The following MICALL1 variants were observed in gnomAD, a reference collection of about 807,000 sequenced individuals.
MICALL1 encodes MICAL-like protein 1.
MICALL1 carries 61 observed loss-of-function variants against 83.7 expected under a neutral mutation model. The observed-to-expected ratio is 0.73, with a 90% CI of 0.59 to 0.90. The LOEUF (loss-of-function observed/expected upper bound fraction) is 0.90. Ranked by LOEUF, MICALL1 falls within the 40% of genes least tolerant of loss-of-function variation. MICALL1 has a pLI of 0.00. For missense variants in MICALL1, 1,066 were observed against 1,152.0 expected (o/e 0.93, Z 1.08); for synonymous variants, 481 against 473.6 (o/e 1.02, Z -0.20).
intron 5 of MICALL1, among the ~76,000 whole-genome samples, chr22:37,919,492 C>T (rs1466231606): frequency 1.3e-5 from 2 of 151,938 alleles, no homozygotes; most frequent in African/African-American, 2.4e-5. Flanking sequence ...GAAAATTAGC[C>T]GGGCATGGTG....
intron 8 of MICALL1, chr22:37,926,715 A>G (rs1424466175): frequency 6.6e-6 from 1 of 152,200 alleles, no homozygotes; most frequent in East Asian, 1.9e-4. Flanking sequence ...GTTCCATGGG[A>G]CCCCCTCTCA....
At position 37,924,774 on chromosome 22, in the gene MICALL1, G is replaced by C; in HGVS notation, c.1082+57G>C. The C allele has an allele frequency of 6.4e-7, 1 of 1,570,536 alleles. No individual in the cohort carries two copies. Reference sequence around the variant, plus strand: ...TGGAGGTCCTGGTGGTGGGAATCAGGGTACTCTGGGGCCGGGTAGGGAGAG... The same window carrying C: ...TGGAGGTCCTGGTGGTGGGAATCAGCGTACTCTGGGGCCGGGTAGGGAGAG... On this transcript the variant is annotated intron_variant, in intron 7 of 15. Coordinates refer to ENST00000215957, the MANE Select transcript of MICALL1 (RefSeq NM_033386.4). This position sits in a 1 kb window ranked among gnomAD's most constrained non-coding sequence, Gnocchi z 5.2.
chr22:37,906,712 GCCGGGCGGGTCCCTGAGACC>G lies in MICALL1; in HGVS notation c.146+149_146+168del, dbSNP rs1927974896. On this transcript the variant is annotated intron_variant, in intron 1 of 15. Transcript: ENST00000215957. This position sits in a 1 kb window ranked among gnomAD's most constrained non-coding sequence, Gnocchi z 4.4. ...GCCGACCCCCCCGACGGCCCCGGACGCCGGGCGGGTCCCTGAGACCCCGGCCCAGGGCGCCCCTCCCCCGC... is the reference window on the plus strand; with the variant it reads ...GCCGACCCCCCCGACGGCCCCGGACGCCGGCCCAGGGCGCCCCTCCCCCGC... The G allele has an allele frequency of 2.6e-6, 2 of 778,948 alleles. No individual in the cohort carries two copies. The highest frequency in any genetic ancestry group is 6.1e-5 in the South Asian group (1 of 16,478). 48.3% of individuals were successfully genotyped at this position (778,948 alleles called of 1,614,324 possible). A position where few individuals can be genotyped will look rare whatever the true frequency, so the allele number is the denominator to read the frequency against.
At chr22:37,911,138 G>A (rs573182204) in intron 1 of MICALL1, among the ~76,000 whole-genome samples, 4 of 152,308 alleles carry the variant, frequency 2.6e-5, no homozygotes, top group East Asian at 3.9e-4. Flanking sequence ...CCGTGCTGGG[G>A]CCCCCAGACA....
At position 37,932,016 on chromosome 22, in the gene MICALL1, T is replaced by C; in HGVS notation, c.2016+83T>C. 1 of 1,541,916 alleles carries C rather than the reference T, an allele frequency of 6.5e-7. No individual in the cohort carries two copies. Among genetic ancestry groups the C allele is most frequent in the East Asian group, 2.3e-5 (1 of 44,030 alleles). On this transcript the variant is annotated intron_variant, in intron 10 of 15. Coordinates refer to ENST00000215957, the MANE Select transcript of MICALL1 (RefSeq NM_033386.4). The surrounding 1 kb of genome is among the most constrained non-coding windows in gnomAD (Gnocchi z 4.4). The stretch of plus-strand genomic sequence containing the variant: ...CAGCTGCAGTCTTCCCCTGGGACTC[T>C]AAGGAGGCTGGCTGGCTAGGCAGTG...
rs1224312343 is a variant in MICALL1, at chr22:37,906,308, G to A, written c.-115G>A. On this transcript the variant is annotated 5_prime_UTR_variant, in exon 1 of 16. Transcript: ENST00000215957. This position sits in a 1 kb window ranked among gnomAD's most constrained non-coding sequence, Gnocchi z 4.4. The stretch of plus-strand genomic sequence containing the variant: ...CCGCCCCTCCCCTCGCCTGCCGGTC[G>A]GCGCCCGAGCTCGGAGCCGCAGCCG... 16 of 789,084 alleles carry A rather than the reference G, an allele frequency of 2.0e-5. No homozygotes were observed. Among genetic ancestry groups the A allele is most frequent in the Non-Finnish European group, 2.3e-5 (15 of 651,810 alleles). The allele number at this position is 789,084 out of a possible 1,614,324, so 48.9% of individuals were successfully genotyped here.
chr22:37,928,491 C>T (rs1464507331), intron 9 of MICALL1, among the ~76,000 whole-genome samples: 1 of 152,250 alleles, frequency 6.6e-6, no homozygotes, highest in Non-Finnish European at 1.5e-5. Context: ...CAGGCGTGAG[C>T]CACTGCCCCC....
intron 15 of MICALL1, among the ~76,000 whole-genome samples, chr22:37,938,182 G>A (rs1053433041): frequency 1.3e-5 from 2 of 151,962 alleles, no homozygotes; most frequent in African/African-American, 4.8e-5. Context: ...AGTTAAAAGA[G>A]TACTGGACAG....
chr22:37,922,482 A>C (rs1929114640), intron 6 of MICALL1, 56 bp downstream of exon 6: 2 of 1,358,680 alleles, frequency 1.5e-6, no homozygotes. Context: ...CTGTCTATTG[A>C]AAAGTCTGTG....
intron 8 of MICALL1, 30 bp downstream of exon 8, chr22:37,926,073 A>G: frequency 6.5e-7 from 1 of 1,549,666 alleles, no homozygotes; most frequent in African/African-American, 1.4e-5. Context: ...CTCTCCTGAC[A>G]GTCGGAACTC....
chr22:37,919,602 T>A (rs1211280224), intron 5 of MICALL1, among the ~76,000 whole-genome samples: 1 of 139,960 alleles, frequency 7.1e-6, no homozygotes, highest in South Asian at 2.3e-4. Context: ...TGCTACTGCA[T>A]TCCAGCCTGG....
chr22:37,939,997 G>A (rs948834792), intron 15 of MICALL1, among the ~76,000 whole-genome samples: 3 of 151,518 alleles, frequency 2.0e-5, no homozygotes, highest in Non-Finnish European at 4.4e-5. Context: ...GGCTAAGGCA[G>A]GAGAATTTCT....
chr22:37,917,266 G>A (rs964285056), intron 3 of MICALL1, among the ~76,000 whole-genome samples: 1 of 152,198 alleles, frequency 6.6e-6, no homozygotes. Context: ...CCCACTTGGG[G>A]ATAGGCAGGA....
rs753815206 is a variant in MICALL1 at position 37,924,649 on chromosome 22, T to C, written c.1025-11T>C. On this transcript the variant is annotated splice_polypyrimidine_tract_variant and intron_variant, in intron 6 of 15. Coordinates refer to ENST00000215957, the MANE Select transcript of MICALL1 (RefSeq NM_033386.4). This position sits in a 1 kb window ranked among gnomAD's most constrained non-coding sequence, Gnocchi z 5.2. ...CCATGAAGGCCTGGCTCACTCTCCTTTCCCATCTAGGGAGACTGCACGAAC... is the reference window on the plus strand; with the variant it reads ...CCATGAAGGCCTGGCTCACTCTCCTCTCCCATCTAGGGAGACTGCACGAAC... 2 of 1,609,320 alleles carry C rather than the reference T, an allele frequency of 1.2e-6. No homozygotes were observed. The highest frequency in any genetic ancestry group is 8.5e-7 in the Non-Finnish European group (1 of 1,177,432).
At chr22:37,928,115 C>T (rs78239654) in intron 9 of MICALL1, among the ~76,000 whole-genome samples, 2 of 152,090 alleles carry the variant, frequency 1.3e-5, no homozygotes, top group African/African-American at 2.4e-5. Flanking sequence ...ACCCCGTTAG[C>T]CAGGATGGTC....
intron 1 of MICALL1, among the ~76,000 whole-genome samples, chr22:37,910,591 CA>C (rs1475832317): frequency 2.6e-5 from 4 of 152,138 alleles, no homozygotes; most frequent in South Asian, 2.1e-4. Context: ...GTCAGAGTGG[CA>C]AAAAGGGAGC....
rs5995519 is a variant in MICALL1, at chr22:37,922,353, C to A, written c.951C>A (p.Pro317=). The part of the protein sequence containing the change: ...KASESTTPAP[P]TPRPRSSLQQ... Reference sequence around the variant, plus strand: ...CTGAGAGCACCACCCCAGCACCCCCCACGCCCCGGCCCCGCTCCAGTCTGC... The same window carrying A: ...CTGAGAGCACCACCCCAGCACCCCCAACGCCCCGGCCCCGCTCCAGTCTGC... Residue 317 remains proline (P), a synonymous_variant, in exon 6 of 16, where the codon CCC becomes CCA. Transcript: ENST00000215957. The A allele has an allele frequency of 8.6e-5, 131 of 1,530,656 alleles. No homozygotes were observed. The highest frequency in any genetic ancestry group is 2.2e-4 in the African/African-American group (16 of 72,858). 94.8% of individuals were successfully genotyped at this position (1,530,656 alleles called of 1,614,324 possible).
intron 6 of MICALL1, among the ~76,000 whole-genome samples, chr22:37,923,474 C>G (rs1414154954): frequency 6.6e-6 from 1 of 152,132 alleles, no homozygotes; most frequent in Non-Finnish European, 1.5e-5. Context: ...GTGATCTGCC[C>G]GCCTTGGCCT....
rs1012674819 is a variant in MICALL1, at chr22:37,922,294, G to C, written c.892G>C (p.Ala298Pro). 6 of 1,552,986 alleles carry C rather than the reference G, an allele frequency of 3.9e-6. No homozygotes were observed. In the Admixed American group the frequency reaches 9.6e-5, roughly 25 times the overall value. The change falls in exon 6 of 16, where the codon GCG becomes CCG. Residue 298 changes from alanine (A) to proline (P), a missense_variant. Coordinates refer to ENST00000215957, the MANE Select transcript of MICALL1 (RefSeq NM_033386.4). Reference sequence around the variant, plus strand: ...ACTACAGGAGCTGGCCAGCCCCCCTGCGGGCCGCCCCACCCCTGCCCCCAG... The same window carrying C: ...ACTACAGGAGCTGGCCAGCCCCCCTCCGGGCCGCCCCACCCCTGCCCCCAG... ...GKLQELASPP[A>P]GRPTPAPRKA... is the part of the protein sequence containing the mutation.
Sources: allele counts gnomAD v4.1 joint callset (sites outside exome capture counted in the v4.1 genomes callset), GRCh38; gene constraint gnomAD v4.1.1; non-coding constraint Gnocchi (gnomAD v3.1); transcripts MANE v1.5; gene names NCBI Gene and HGNC (gene_info 2026-07-23, HGNC 2026-07-21).